The following SOX10 variants were observed in gnomAD, a reference collection of about 807,000 sequenced individuals.
SOX10 encodes the protein transcription factor SOX-10.
SOX10 carries 3 observed loss-of-function variants against 35.0 expected under a neutral mutation model. The ratio of observed to expected loss-of-function variants is 0.09; its 90% CI spans 0.04 to 0.22. SOX10 has a LOEUF of 0.22. SOX10 is among the 10% of genes least tolerant of loss of function. The pLI is 1.00. For missense variants in SOX10, 436 were observed against 655.1 expected (o/e 0.67, Z 3.65); for synonymous variants, 285 against 291.0 (o/e 0.98, Z 0.21).
intron 3 of SOX10, among the ~76,000 whole-genome samples, chr22:37,976,371 C>T (rs181745639): frequency 6.6e-6 from 1 of 152,292 alleles, no homozygotes; most frequent in African/African-American, 2.4e-5. Flanking sequence ...TTGTTTCTTC[C>T]TGTACTTAAT....
chr22:37,972,349 A>T lies in SOX10; in HGVS notation c.*1146T>A. On this transcript the variant is annotated 3_prime_UTR_variant, in exon 4 of 4. Coordinates refer to ENST00000396884, the MANE Select transcript of SOX10 (RefSeq NM_006941.4). ...TTAATTTTATTATGTGGAATGCTTA[A>T]TGCAGAGTTAATAGGGGCTAGAGTG... The T allele has an allele frequency of 1.4e-6, 1 of 696,952 alleles. No homozygotes were observed. Among genetic ancestry groups the T allele is most frequent in the Non-Finnish European group, 2.3e-6 (1 of 435,964 alleles). The allele number at this position is 696,952 out of a possible 1,614,324, so 43.2% of individuals were successfully genotyped here. A position where few individuals can be genotyped will look rare whatever the true frequency, so the allele number is the denominator to read the frequency against.
In SOX10 at chr22:37,972,958, C is replaced by A. The variant is rs565069012; in HGVS notation, c.*537G>T. ...ACTCCACTAAGTCCCTCGAACCCCC[C>A]ACTCCCCAATGAGGCTCCTCAAAGC... On this transcript the variant is annotated 3_prime_UTR_variant, in exon 4 of 4. Coordinates refer to ENST00000396884, the MANE Select transcript of SOX10 (RefSeq NM_006941.4). The A allele has an allele frequency of 6.4e-6, 1 of 155,500 alleles. No individual in the cohort carries two copies. Among genetic ancestry groups the A allele is most frequent in the Admixed American group, 6.3e-5 (1 of 15,836 alleles). 9.6% of individuals were successfully genotyped at this position (155,500 alleles called of 1,614,324 possible). A position where few individuals can be genotyped will look rare whatever the true frequency, so the allele number is the denominator to read the frequency against.
intron 3 of SOX10, among the ~76,000 whole-genome samples, chr22:37,976,879 G>A (rs1932236469): frequency 6.6e-6 from 1 of 152,080 alleles, no homozygotes; most frequent in Non-Finnish European, 1.5e-5. Context: ...GGCCAGACAC[G>A]GTATCACATG....
intron 3 of SOX10, among the ~76,000 whole-genome samples, chr22:37,976,020 C>A (rs188287422): frequency 6.6e-6 from 1 of 151,964 alleles, no homozygotes; most frequent in Non-Finnish European, 1.5e-5. Context: ...GTCAGGAATT[C>A]GAGACCAGCC....
chr22:37,979,952 C>T (rs1164533809), intron 2 of SOX10, among the ~76,000 whole-genome samples: 6 of 151,920 alleles, frequency 3.9e-5, no homozygotes, highest in Non-Finnish European at 8.8e-5. Flanking sequence ...AGCAGAAGGC[C>T]GAGCCCTCCC....
At chr22:37,975,534 G>A (rs1322448209) in intron 3 of SOX10, among the ~76,000 whole-genome samples, 1 of 152,146 alleles carries the variant, frequency 6.6e-6, no homozygotes, top group Non-Finnish European at 1.5e-5. Flanking sequence ...TGTGTGGGAG[G>A]GATGACTGCC....
In SOX10 at chr22:37,974,099, C is replaced by T. The variant is rs756628609; in HGVS notation, c.797G>A (p.Gly266Asp). 1.9e-6 allele frequency: 3 copies of T among 1,613,852 alleles called. No homozygotes were observed. The Admixed American group carries it at 5.0e-5, about 27-fold the overall frequency. The change falls in exon 4 of 4, where the codon GGC becomes GAC. Residue 266 changes from glycine to aspartate, a missense_variant. Physicochemically the swap from Gly to Asp is moderately conservative, Grantham distance 94 (BLOSUM62 -1). Around this residue, in one of 3 missense-constraint regions of SOX10, gnomAD observed 285 missense variants for 402.9 expected, o/e 0.71. Coordinates refer to ENST00000396884, the MANE Select transcript of SOX10 (RefSeq NM_006941.4). The surrounding 1 kb of genome is among the most constrained non-coding windows in gnomAD (Gnocchi z 5.4). ...PKRDGRSMGE[G>D]GKPHIDFGNV... The stretch of plus-strand genomic sequence containing the variant: ...GCCGAAGTCGATGTGAGGCTTCCCG[C>T]CCTCCCCCATGGAGCGCCCGTCCCG...
rs550057161 is a variant in SOX10, at chr22:37,980,057, C to T, written c.429-1922G>A. Among the ~76,000 whole-genome samples the T allele has an allele frequency of 1.4e-4, 22 of 152,290 alleles. No homozygotes were observed. The East Asian group carries it at 3.7e-3, about 25-fold the overall frequency. ...GCCTCCCTGTCTACTCCCCCCACCC[C>T]GGCCCTGAGCCCAGCCCTAGCCCCA... is the stretch of plus-strand genomic sequence containing the variant. On this transcript the variant is annotated intron_variant, in intron 2 of 3. Transcript: ENST00000396884. The surrounding 1 kb of genome is among the most constrained non-coding windows in gnomAD (Gnocchi z 4.1).
intron 3 of SOX10, among the ~76,000 whole-genome samples, chr22:37,975,158 G>A (rs1213376132): frequency 6.6e-6 from 1 of 152,130 alleles, no homozygotes; most frequent in Non-Finnish European, 1.5e-5. Context: ...AAACTCTTAG[G>A]GAGCATTACA....
chr22:37,973,058 TGGCATAGGTGGCATG>T lies in SOX10; in HGVS notation c.*422_*436del. The stretch of plus-strand genomic sequence containing the variant: ...TGGGTGGCCTAGCCCTTAGGCACTG[TGGCATAGGTGGCATG>T]GGCATGTCAGACCCTCACTATCTGT... On this transcript the variant is annotated 3_prime_UTR_variant, in exon 4 of 4. Coordinates refer to ENST00000396884, the MANE Select transcript of SOX10 (RefSeq NM_006941.4). 6.0e-6 allele frequency: 1 copy of T among 166,596 alleles called. No individual in the cohort carries two copies. Among genetic ancestry groups the T allele is most frequent in the Admixed American group, 5.8e-5 (1 of 17,106 alleles). 10.3% of individuals were successfully genotyped at this position (166,596 alleles called of 1,614,324 possible).
intron 3 of SOX10, among the ~76,000 whole-genome samples, chr22:37,977,146 C>T (rs1042946240): frequency 3.4e-5 from 5 of 145,316 alleles, no homozygotes; most frequent in African/African-American, 1.0e-4. Flanking sequence ...CTAGCCTGGG[C>T]GACAGAGTGA....
At chr22:37,977,706 G>A (rs1932263980) in intron 3 of SOX10, among the ~76,000 whole-genome samples, 161 bp downstream of exon 3, 1 of 152,114 alleles carries the variant, frequency 6.6e-6, no homozygotes, top group Admixed American at 6.5e-5. Flanking sequence ...CCCTGGCACC[G>A]GAACCCCCAT....
rs758684515 is a variant in SOX10 at position 37,977,882 on chromosome 22, G to T, written c.682C>A (p.Pro228Thr). Reference sequence around the variant, plus strand: ...CAGCACTCACCTGAGGGGTGCTCGGGGTTCCCATCTGACATGGGGGAGCCC... The same window carrying T: ...CAGCACTCACCTGAGGGGTGCTCGGTGTTCCCATCTGACATGGGGGAGCCC... ...GEGSPMSDGNPEHPSGQSHGP... is the reference protein window; with the variant it reads ...GEGSPMSDGNTEHPSGQSHGP... The change falls in exon 3 of 4, where the codon CCC (proline) becomes ACC (threonine). Residue 228 changes from proline to threonine, a missense_variant. Physicochemically the swap from Pro to Thr is conservative, Grantham distance 38. Around this residue, in one of 3 missense-constraint regions of SOX10, gnomAD observed 285 missense variants for 402.9 expected, o/e 0.71. Transcript: ENST00000396884. 4 of 1,611,722 alleles carry T rather than the reference G, an allele frequency of 2.5e-6. No homozygotes were observed. In the South Asian group the frequency reaches 4.4e-5, roughly 18 times the overall value.
intron 3 of SOX10, among the ~76,000 whole-genome samples, chr22:37,976,367 C>T (rs1382959979): frequency 6.6e-6 from 1 of 152,178 alleles, no homozygotes; most frequent in Non-Finnish European, 1.5e-5. Context: ...AGCTTTGTTT[C>T]TTCCTGTACT....
rs746722981 is a variant in SOX10 at position 37,978,199 on chromosome 22, G to A, written c.429-64C>T. On this transcript the variant is annotated intron_variant, in intron 2 of 3. Coordinates refer to ENST00000396884, the MANE Select transcript of SOX10 (RefSeq NM_006941.4). This position sits in a 1 kb window ranked among gnomAD's most constrained non-coding sequence, Gnocchi z 5.0. ...CTGGCGTGAATGCCAGAGCACTCCA[G>A]GTTGGCCTCCCTCTGAGTGTCCATC... 209 of 1,446,058 alleles carry A rather than the reference G, an allele frequency of 1.4e-4. No homozygotes were observed. The highest frequency in any genetic ancestry group is 6.4e-5 in the Non-Finnish European group (70 of 1,096,948). 89.6% of individuals were successfully genotyped at this position (1,446,058 alleles called of 1,614,324 possible).
At position 37,974,761 on chromosome 22, in the gene SOX10, C is replaced by G. The variant is rs1932175033; in HGVS notation, c.698-563G>C. Among the ~76,000 whole-genome samples, 4 of 152,334 alleles carry G rather than the reference C, an allele frequency of 2.6e-5. No homozygotes were observed. The South Asian group carries it at 8.3e-4, about 32-fold the overall frequency. On this transcript the variant is annotated intron_variant, in intron 3 of 3. Coordinates refer to ENST00000396884, the MANE Select transcript of SOX10 (RefSeq NM_006941.4). This position sits in a 1 kb window ranked among gnomAD's most constrained non-coding sequence, Gnocchi z 5.4. ...CCTGCCTCATTCTGAAAAAACCTTT[C>G]CTGTGGAAAGTTCTTCCTCTCATCA... is the stretch of plus-strand genomic sequence containing the variant.
Position 37,973,535 on chromosome 22 carries a change from T to C in SOX10, c.1361A>G (p.His454Arg). The change falls in exon 4 of 4, where the codon CAC becomes CGC. Residue 454 changes from histidine to arginine, a missense_variant. His to Arg is a conservative substitution (Grantham distance 29). Coordinates refer to ENST00000396884, the MANE Select transcript of SOX10 (RefSeq NM_006941.4). The part of the protein sequence containing the change: ...PSGPQSHSPT[H>R]WEQPVYTTLS... The stretch of plus-strand genomic sequence containing the variant: ...TGTCGTATATACTGGCTGCTCCCAG[T>C]GTGTGGGGCTGTGGGACTGGGGCCC... The C allele has an allele frequency of 1.2e-6, 2 of 1,610,436 alleles. No individual in the cohort carries two copies. Among genetic ancestry groups the C allele is most frequent in the South Asian group, 1.1e-5 (1 of 90,976 alleles).
rs1019166022 is a variant in SOX10, at chr22:37,980,282, A to C, written c.429-2147T>G. On this transcript the variant is annotated intron_variant, in intron 2 of 3. Transcript: ENST00000396884. The surrounding 1 kb of genome is among the most constrained non-coding windows in gnomAD (Gnocchi z 4.1). Reference sequence around the variant, plus strand: ...CCACAGAGGAGAGAGCTGCTCCGCCAGCAGTGGACCCCAACAGAGGGGCTT... The same window carrying C: ...CCACAGAGGAGAGAGCTGCTCCGCCCGCAGTGGACCCCAACAGAGGGGCTT... Among the ~76,000 whole-genome samples, 1 of 152,216 alleles carries C rather than the reference A, an allele frequency of 6.6e-6. No individual in the cohort carries two copies. Among genetic ancestry groups the C allele is most frequent in the East Asian group, 1.9e-4 (1 of 5,182 alleles).
chr22:37,977,971 C>T lies in SOX10; in HGVS notation c.593G>A (p.Gly198Asp), dbSNP rs2145768215. The T allele has an allele frequency of 1.2e-6, 2 of 1,612,102 alleles. No individual in the cohort carries two copies. Among genetic ancestry groups the T allele is most frequent in the Non-Finnish European group, 1.7e-6 (2 of 1,179,916 alleles). Residue 198 changes from glycine to aspartate, a missense_variant, in exon 3 of 4, where the codon GGT becomes GAT. Physicochemically the swap from Gly to Asp is moderately conservative, Grantham distance 94. This residue lies in a region of SOX10 where 285 missense variants were observed against 402.9 expected (regional missense o/e 0.71). Coordinates refer to ENST00000396884, the MANE Select transcript of SOX10 (RefSeq NM_006941.4). The part of the protein sequence containing the change: ...AECPGGEAEQ[G>D]GTAAIQAHYK... ...GTGGGCCTGGATGGCGGCGGTCCCA[C>T]CTTGCTCGGCCTCCCCACCGGGGCA...
Sources: gnomAD v4.1 joint callset for allele counts (sites outside exome capture counted in the v4.1 genomes callset) on GRCh38, gnomAD v4.1.1 for gene constraint, gnomAD v4.1.1 regional missense constraint, Gnocchi (gnomAD v3.1) non-coding constraint, MANE v1.5 for transcripts, NCBI Gene and HGNC (gene_info 2026-07-23, HGNC 2026-07-21) for gene names.